CTSO: variants seen among roughly 807,000 people sequenced by gnomAD.
The protein encoded by CTSO is cathepsin O.
CTSO carries 40 observed loss-of-function variants against 42.4 expected under a neutral mutation model. The ratio of observed to expected loss-of-function variants is 0.94; its 90% CI spans 0.73 to 1.23. The LOEUF is 1.23. Among genes scored for constraint, CTSO ranks in the 50% most tolerant of loss-of-function variants. CTSO has a pLI of 0.00. For missense variants in CTSO, 441 were observed against 396.0 expected, an observed-to-expected ratio of 1.11 and a Z score of -0.96; for synonymous variants, 156 against 146.2, an observed-to-expected ratio of 1.07 and a Z score of -0.48.
chr4:155,939,540 TG>T lies in CTSO; in HGVS notation c.385-3del, dbSNP rs774251803. The T allele has an allele frequency of 6.2e-7, 1 of 1,606,606 alleles. No individual in the cohort carries two copies. The highest frequency in any genetic ancestry group is 8.5e-7 in the Non-Finnish European group (1 of 1,175,726). The stretch of plus-strand genomic sequence containing the variant: ...GCTGAAGGCCCAGCATCCTCCACAC[TG>T]TTTAAAAACAGAAAAAGGGGTGGTA... On this transcript the variant is annotated splice_polypyrimidine_tract_variant and splice_region_variant and intron_variant, in intron 3 of 7. Coordinates refer to ENST00000433477, the MANE Select transcript of CTSO (RefSeq NM_001334.3).
chr4:155,937,745 GCT>G (rs1743357433), intron 4 of CTSO, among the ~76,000 whole-genome samples: 1 of 151,924 alleles, frequency 6.6e-6, no homozygotes, highest in Non-Finnish European at 1.5e-5. Context: ...CTCCCCAGTA[GCT>G]GTGACTACAG....
intron 3 of CTSO, among the ~76,000 whole-genome samples, chr4:155,940,286 G>A (rs971701593): frequency 2.7e-5 from 4 of 150,676 alleles, no homozygotes; most frequent in Non-Finnish European, 5.9e-5. Context: ...ATTAGGGATC[G>A]TAGGATCACG....
chr4:155,928,982 C>T (rs1240491508), intron 6 of CTSO, among the ~76,000 whole-genome samples: 7 of 152,132 alleles, frequency 4.6e-5, no homozygotes, highest in Admixed American at 6.6e-5. Context: ...ATGACGCCCA[C>T]GCTGGAAGGT....
At chr4:155,942,623 G>A (rs1743462977) in intron 2 of CTSO, among the ~76,000 whole-genome samples, 167 bp from the exon 3 acceptor site, 1 of 151,032 alleles carries the variant, frequency 6.6e-6, no homozygotes, top group South Asian at 2.1e-4. Flanking sequence ...TTATATCCTT[G>A]AGATTCTTTG....
intron 1 of CTSO, among the ~76,000 whole-genome samples, chr4:155,944,465 A>T (rs553098357): frequency 6.6e-6 from 1 of 152,324 alleles, no homozygotes; most frequent in South Asian, 2.1e-4. Flanking sequence ...TAAGCCAGAG[A>T]CTATTAACTG....
chr4:155,942,874 G>C (rs1743466643), intron 2 of CTSO, among the ~76,000 whole-genome samples: 1 of 152,092 alleles, frequency 6.6e-6, no homozygotes, highest in East Asian at 1.9e-4. Flanking sequence ...GTCCTGAAGA[G>C]AAAAAGCACT....
intron 1 of CTSO, among the ~76,000 whole-genome samples, chr4:155,948,155 C>T (rs2110935779): frequency 6.6e-6 from 1 of 152,124 alleles, no homozygotes; most frequent in South Asian, 2.1e-4. Flanking sequence ...ACTCAGAACC[C>T]AAGAGATTGA....
chr4:155,943,498 T>C (rs1298885111), intron 1 of CTSO, among the ~76,000 whole-genome samples: 2 of 152,204 alleles, frequency 1.3e-5, no homozygotes, highest in African/African-American at 4.8e-5. Flanking sequence ...TATTCATTTA[T>C]AATTCCCCAT....
In CTSO at chr4:155,942,243, C is replaced by A. The variant is rs138222598; in HGVS notation, c.384+74G>T. 2.6e-4 allele frequency: 324 copies of A among 1,246,906 alleles called. 1 individual carries two copies. The African/African-American group carries it at 3.9e-3, about 15-fold the overall frequency. The allele number at this position is 1,246,906 out of a possible 1,614,324, so 77.2% of individuals were successfully genotyped here. The stretch of plus-strand genomic sequence containing the variant: ...TAGAGAAATGATGTTTCCATTACAA[C>A]TTTGATTAAACTTGACCTCAAAGCT... On this transcript the variant is annotated intron_variant, in intron 3 of 7. Coordinates refer to ENST00000433477, the MANE Select transcript of CTSO (RefSeq NM_001334.3).
chr4:155,948,844 G>T (rs151230485), intron 1 of CTSO, among the ~76,000 whole-genome samples: 1 of 152,306 alleles, frequency 6.6e-6, no homozygotes, highest in African/African-American at 2.4e-5. Context: ...AACAATCAAA[G>T]AGTAGAAACC....
At chr4:155,935,484 C>T (rs1408112751) in intron 5 of CTSO, among the ~76,000 whole-genome samples, 1 of 151,998 alleles carries the variant, frequency 6.6e-6, no homozygotes, top group Admixed American at 6.6e-5. Context: ...TGTTCCCCCA[C>T]ATATCTGCGT....
chr4:155,948,242 A>G (rs1028539877), intron 1 of CTSO, among the ~76,000 whole-genome samples: 6 of 152,218 alleles, frequency 3.9e-5, no homozygotes, highest in Admixed American at 2.6e-4. Context: ...CTAAGTCTCT[A>G]TTTATTATAG....
At chr4:155,945,855 T>G (rs1054753312) in intron 1 of CTSO, among the ~76,000 whole-genome samples, 3 of 152,034 alleles carry the variant, frequency 2.0e-5, no homozygotes, top group African/African-American at 7.2e-5. Context: ...AATTTCAAAA[T>G]CAATCATCAG....
intron 7 of CTSO, among the ~76,000 whole-genome samples, chr4:155,926,639 A>G (rs562202721): frequency 6.6e-6 from 1 of 152,306 alleles, no homozygotes; most frequent in South Asian, 2.1e-4. Context: ...GCCATTGCTC[A>G]TAAGAGTAAT....
At chr4:155,927,783 A>C (rs1560783436) in intron 7 of CTSO, among the ~76,000 whole-genome samples, 1 of 152,106 alleles carries the variant, frequency 6.6e-6, no homozygotes, top group Non-Finnish European at 1.5e-5. Context: ...TCAAAAAAAA[A>C]AAAGTTGTCA....
Position 155,929,704 on chromosome 4 carries a change from C to G in CTSO, c.676G>C (p.Asp226His), listed in dbSNP as rs1471702302. The change falls in exon 6 of 8, where the codon GAC becomes CAC. Residue 226 changes from aspartate (D) to histidine (H), a missense_variant and splice_region_variant. Transcript: ENST00000433477. ...IKGYSAYDFS[D>H]QEDEMAKALL... ...GCTTTTGCCATTTCATCTTCTTGGT[C>G]ACTACCAAAAGAGGAAATATTTGGT... 1 of 1,609,096 alleles carries G rather than the reference C, an allele frequency of 6.2e-7. No individual in the cohort carries two copies. Among genetic ancestry groups the G allele is most frequent in the Non-Finnish European group, 8.5e-7 (1 of 1,178,786 alleles).
Position 155,937,450 on chromosome 4 carries a change from G to C in CTSO, c.586C>G (p.Pro196Ala). The C allele has an allele frequency of 1.2e-6, 2 of 1,613,042 alleles. No individual in the cohort carries two copies. Among genetic ancestry groups the C allele is most frequent in the Non-Finnish European group, 1.7e-6 (2 of 1,179,312 alleles). The stretch of plus-strand genomic sequence containing the variant: ...CACAGACCATTTTGTGCTTTAAAAG[G>C]ATATTCTGAATCTTTCACCAGTTTT... ...QVKLVKDSEY[P>A]FKAQNGLCHY... The change falls in exon 5 of 8, where the codon CCT (proline) becomes GCT (alanine). Residue 196 changes from proline to alanine, a missense_variant. Pro to Ala is a conservative substitution (Grantham distance 27). Transcript: ENST00000433477.
chr4:155,952,396 G>A (rs1003399345), intron 1 of CTSO, among the ~76,000 whole-genome samples: 1 of 152,074 alleles, frequency 6.6e-6, no homozygotes, highest in Non-Finnish European at 1.5e-5. Flanking sequence ...CTAGCCCTTT[G>A]AGCTTTGTCC....
intron 1 of CTSO, among the ~76,000 whole-genome samples, chr4:155,947,345 A>G (rs1222784061): frequency 6.6e-6 from 1 of 152,222 alleles, no homozygotes; most frequent in Admixed American, 6.5e-5. Context: ...ATAAATGCTC[A>G]GTTAAAATAC....
Sources: allele counts gnomAD v4.1 joint callset (sites outside exome capture counted in the v4.1 genomes callset), GRCh38; gene constraint gnomAD v4.1.1; transcripts MANE v1.5; gene names NCBI Gene and HGNC (gene_info 2026-07-23, HGNC 2026-07-21).